The following CDC27 variants were observed in gnomAD, a reference collection of about 807,000 sequenced individuals.
CDC27 encodes the protein cell division cycle protein 27 homolog.
In CDC27, 27 loss-of-function variants were observed where a neutral mutation model predicts 109.7. The observed-to-expected ratio is 0.25, with a 90% CI of 0.18 to 0.34. The LOEUF (loss-of-function observed/expected upper bound fraction) is 0.34. CDC27 is among the 10% of genes least tolerant of loss of function. The pLI is 1.00. For synonymous variants in CDC27, 266 were observed against 333.9 expected (o/e 0.80, Z 2.22); for missense variants, 579 against 960.2 (o/e 0.60, Z 5.25).
intron 15 of CDC27, among the ~76,000 whole-genome samples, chr17:47,131,019 T>C (rs1010237037): frequency 6.6e-5 from 10 of 152,070 alleles, no homozygotes; most frequent in Admixed American, 5.2e-4. Flanking sequence ...TACGCAATGA[T>C]CTAATGGTGG....
At chr17:47,122,871 G>T (rs1267417713) in intron 17 of CDC27, among the ~76,000 whole-genome samples, 1 of 151,984 alleles carries the variant, frequency 6.6e-6, no homozygotes, top group Non-Finnish European at 1.5e-5. Context: ...ACAGGGTTTT[G>T]CCATGTTAGC....
At chr17:47,174,402 G>A (rs2063917505) in intron 2 of CDC27, among the ~76,000 whole-genome samples, 1 of 152,190 alleles carries the variant, frequency 6.6e-6, no homozygotes, top group Non-Finnish European at 1.5e-5. Context: ...TAGCTACCAA[G>A]AGTAGTGATC....
intron 4 of CDC27, chr17:47,161,280 GGCC>G (rs2063490629): frequency 6.6e-6 from 1 of 151,910 alleles, no homozygotes; most frequent in Non-Finnish European, 1.5e-5. Flanking sequence ...CACCACAACT[GGCC>G]TGAAATTTCT....
intron 2 of CDC27, among the ~76,000 whole-genome samples, chr17:47,177,887 C>T (rs1029403953): frequency 6.6e-6 from 1 of 151,924 alleles, no homozygotes; most frequent in African/African-American, 2.4e-5. Flanking sequence ...CACATATCTC[C>T]AAAGAGCTAT....
At chr17:47,188,278 CA>C (rs1284649523) in intron 1 of CDC27, among the ~76,000 whole-genome samples, 1 of 152,060 alleles carries the variant, frequency 6.6e-6, no homozygotes, top group Admixed American at 6.5e-5. Flanking sequence ...TACCAAGGCA[CA>C]AAAGATACAG....
chr17:47,173,041 C>A (rs992232126), intron 2 of CDC27, among the ~76,000 whole-genome samples: 1 of 152,162 alleles, frequency 6.6e-6, no homozygotes, highest in African/African-American at 2.4e-5. Flanking sequence ...GGAGTAGGAA[C>A]CAGTAATCTA....
chr17:47,125,724 A>G (rs2062119224), intron 16 of CDC27, among the ~76,000 whole-genome samples: 2 of 151,078 alleles, frequency 1.3e-5, no homozygotes, highest in Admixed American at 1.3e-4. Context: ...TTGTATTTTT[A>G]GTAGAGATGG....
At chr17:47,122,724 A>G (rs760442171) in intron 17 of CDC27, 124 bp from the exon 18 acceptor site, 17 of 632,618 alleles carry the variant, frequency 2.7e-5, no homozygotes, top group Admixed American at 1.2e-4. Context: ...CCCAGGCTAG[A>G]GTGCAATGGC....
rs2061924921 is a variant in CDC27, at chr17:47,118,685, A to G, written c.*2250T>C. 1 of 152,634 alleles carries G rather than the reference A, an allele frequency of 6.6e-6. No individual in the cohort carries two copies. The highest frequency in any genetic ancestry group is 2.4e-5 in the African/African-American group (1 of 41,446). The allele number at this position is 152,634 out of a possible 1,614,324, so 9.5% of individuals were successfully genotyped here. On this transcript the variant is annotated 3_prime_UTR_variant, in exon 19 of 19. Coordinates refer to ENST00000066544, the MANE Select transcript of CDC27 (RefSeq NM_001256.6). ...GAAGCAAACATTTTGCTTGATCAAA[A>G]TGTGTTCTTCTTCGGGTTGTTTGAT... is the stretch of plus-strand genomic sequence containing the variant.
intron 14 of CDC27, among the ~76,000 whole-genome samples, chr17:47,133,084 CAA>C (rs2062431817): frequency 1.9e-4 from 13 of 68,288 alleles, no homozygotes; most frequent in East Asian, 1.5e-3. Context: ...CACACACACA[CAA>C]ACACACACAC....
At chr17:47,125,128 C>CA (rs2062095407) in intron 16 of CDC27, among the ~76,000 whole-genome samples, 2 of 151,632 alleles carry the variant, frequency 1.3e-5, no homozygotes. Context: ...TAAAGTTGCC[C>CA]AGGCTGGTCT....
At chr17:47,153,299 C>T (rs940125062) in intron 8 of CDC27, among the ~76,000 whole-genome samples, 1 of 152,188 alleles carries the variant, frequency 6.6e-6, no homozygotes, top group African/African-American at 2.4e-5. Context: ...AAATCATGTG[C>T]CTGCCCACTG....
At chr17:47,132,225 A>T in intron 15 of CDC27, 32 bp downstream of exon 15, 2 of 965,336 alleles carry the variant, frequency 2.1e-6, no homozygotes, top group Non-Finnish European at 3.2e-6. Context: ...AAGGGAGATT[A>T]ATAGAGTATT....
intron 14 of CDC27, among the ~76,000 whole-genome samples, chr17:47,134,331 G>A (rs1324748379): frequency 6.9e-6 from 1 of 145,906 alleles, no homozygotes; most frequent in African/African-American, 2.5e-5. Flanking sequence ...TTAATTCAAC[G>A]TCTTGCTCTG....
At position 47,142,453 on chromosome 17, in the gene CDC27, A is replaced by T; in HGVS notation, c.1171-17T>A. 1 of 1,082,262 alleles carries T rather than the reference A, an allele frequency of 9.2e-7. No homozygotes were observed. The highest frequency in any genetic ancestry group is 1.4e-6 in the Non-Finnish European group (1 of 728,180). 67.0% of individuals were successfully genotyped at this position (1,082,262 alleles called of 1,614,324 possible). A position where few individuals can be genotyped will look rare whatever the true frequency, so the allele number is the denominator to read the frequency against. ...GCTATTCTCCTGTAAAAGGGAAGAA[A>T]TTTCACACCTGTTATACTCATGTAT... On this transcript the variant is annotated splice_polypyrimidine_tract_variant and intron_variant, in intron 10 of 18. Transcript: ENST00000066544.
intron 1 of CDC27, among the ~76,000 whole-genome samples, chr17:47,183,975 T>C (rs1387071230): frequency 1.3e-5 from 2 of 152,228 alleles, no homozygotes; most frequent in Non-Finnish European, 2.9e-5. Flanking sequence ...AGAATTATTT[T>C]ATTATGCAAA....
At chr17:47,147,424 CAAACAAA>C (rs912808412) in intron 9 of CDC27, among the ~76,000 whole-genome samples, 40 of 96,798 alleles carry the variant, frequency 4.1e-4, no homozygotes, top group Admixed American at 8.2e-4. Context: ...AACAAACAAA[CAAACAAA>C]AAAAAAAACA....
intron 4 of CDC27, among the ~76,000 whole-genome samples, chr17:47,168,391 A>G (rs1233713142): frequency 3.9e-5 from 6 of 152,156 alleles, no homozygotes; most frequent in African/African-American, 1.4e-4. Context: ...GTATACGAGG[A>G]AATGAGGTCA....
At position 47,161,479 on chromosome 17, in the gene CDC27, G is replaced by A. The variant is rs1375898612; in HGVS notation, c.378-3176C>T. Among the ~76,000 whole-genome samples, 5 of 152,108 alleles carry A rather than the reference G, an allele frequency of 3.3e-5. No individual in the cohort carries two copies. In the East Asian group the frequency reaches 5.8e-4, roughly 18 times the overall value. ...CAAAAGAAAATACACAGCCAGGCAC[G>A]GTGGCTCATGCCTGTAATCTCAGCA... On this transcript the variant is annotated intron_variant, in intron 4 of 18. Transcript: ENST00000066544.
Sources: allele counts gnomAD v4.1 joint callset (sites outside exome capture counted in the v4.1 genomes callset), GRCh38; gene constraint gnomAD v4.1.1; transcripts MANE v1.5; gene names NCBI Gene and HGNC (gene_info 2026-07-23, HGNC 2026-07-21).